Variants in GPC1 observed in about 807,000 individuals in gnomAD.
GPC1 encodes glypican 1, also known as glypican-1.
A neutral mutation model predicts 51.5 loss-of-function variants in GPC1; 26 were observed. The observed-to-expected ratio is 0.50, with a 90% CI of 0.37 to 0.70. GPC1 has a LOEUF of 0.70. Ranked by LOEUF, GPC1 falls within the 30% of genes least tolerant of loss-of-function variation. The pLI is 0.00. For missense variants in GPC1, 775 were observed against 800.5 expected, an observed-to-expected ratio of 0.97 and a Z score of 0.38; for synonymous variants, 380 against 348.3, an observed-to-expected ratio of 1.09 and a Z score of -1.01.
Position 240,463,238 on chromosome 2 carries a change from T to TCCCCTGACTTCCCTCCAGAGCCCC in GPC1, c.718-107_718-84dup, listed in dbSNP as rs2074232112. The stretch of plus-strand genomic sequence containing the variant: ...CACGAGCTGGGGCAGAGCAGAGGCC[T>TCCCCTGACTTCCCTCCAGAGCCCC]CCCCTGACTTCCCTCCAGAGCCCCC... On this transcript the variant is annotated intron_variant, in intron 3 of 8. Coordinates refer to ENST00000264039, the MANE Select transcript of GPC1 (RefSeq NM_002081.3). 7 of 901,410 alleles carry TCCCCTGACTTCCCTCCAGAGCCCC rather than the reference T, an allele frequency of 7.8e-6. No homozygotes were observed. In the African/African-American group the frequency reaches 8.3e-5, roughly 11 times the overall value. 55.8% of individuals were successfully genotyped at this position (901,410 alleles called of 1,614,324 possible). A position where few individuals can be genotyped will look rare whatever the true frequency, so the allele number is the denominator to read the frequency against.
rs1026330354 is a variant in GPC1, at chr2:240,435,805, G to A, written c.-114G>A. ...TCGGCCGCCGCCGCCTCTGGACCGC[G>A]AGCCGCGCGCGCCGGGACCTTGGCT... On this transcript the variant is annotated 5_prime_UTR_variant, in exon 1 of 9. Coordinates refer to ENST00000264039, the MANE Select transcript of GPC1 (RefSeq NM_002081.3). 1 of 681,434 alleles carries A rather than the reference G, an allele frequency of 1.5e-6. No homozygotes were observed. 42.2% of individuals were successfully genotyped at this position (681,434 alleles called of 1,614,324 possible).
chr2:240,463,850 G>C, intron 4 of GPC1: 1 of 343,742 alleles, frequency 2.9e-6, no homozygotes, highest in South Asian at 4.0e-5. Context: ...ACACATACAT[G>C]CACCGTCACA....
In GPC1 at chr2:240,436,032, C is replaced by A. The variant is rs778497874; in HGVS notation, c.114C>A (p.Ile38=). 2 of 1,385,930 alleles carry A rather than the reference C, an allele frequency of 1.4e-6. No individual in the cohort carries two copies. Among genetic ancestry groups the A allele is most frequent in the Non-Finnish European group, 1.9e-6 (2 of 1,067,466 alleles). The allele number at this position is 1,385,930 out of a possible 1,614,324, so 85.9% of individuals were successfully genotyped here. A position where few individuals can be genotyped will look rare whatever the true frequency, so the allele number is the denominator to read the frequency against. The change falls in exon 1 of 9, where the codon ATC becomes ATA. Residue 38 remains isoleucine (I), a synonymous_variant. Coordinates refer to ENST00000264039, the MANE Select transcript of GPC1 (RefSeq NM_002081.3). ...GGAGCTGCGGCGAGGTCCGCCAGAT[C>A]TACGGAGCCAAGGGCTTCAGCCTGA... is the stretch of plus-strand genomic sequence containing the variant. The part of the protein sequence containing the change: ...KSRSCGEVRQ[I]YGAKGFSLSD...
chr2:240,446,310 C>A (rs753933011), intron 1 of GPC1, among the ~76,000 whole-genome samples: 9 of 152,260 alleles, frequency 5.9e-5, no homozygotes, highest in Non-Finnish European at 1.3e-4. Context: ...TCCGTGAGCT[C>A]CTACTGGGTG....
intron 1 of GPC1, 62 bp downstream of exon 1, chr2:240,436,146 T>A: frequency 9.0e-7 from 1 of 1,112,290 alleles, no homozygotes; most frequent in Non-Finnish European, 1.1e-6. Context: ...CGGACCCTGG[T>A]CTTCCCGACG....
intron 1 of GPC1, 125 bp downstream of exon 1, chr2:240,436,209 C>T (rs2073982770): frequency 1.8e-6 from 1 of 561,396 alleles, no homozygotes; most frequent in Non-Finnish European, 2.6e-6. Context: ...GCCGCCCGGG[C>T]CCCGAATGGC....
At chr2:240,457,576 ACTGCCTGCGCTGCTCCAGGCC>A (rs1346017941) in intron 1 of GPC1, 10 of 433,086 alleles carry the variant, frequency 2.3e-5, no homozygotes, top group African/African-American at 1.8e-4. Flanking sequence ...CGGGTAGGGC[ACTGCCTGCGCTGCTCCAGGCC>A]CTGCCTGCAG....
chr2:240,455,246 C>G lies in GPC1; in HGVS notation c.167-3784C>G, dbSNP rs138112303. 3.8e-3 allele frequency among the ~76,000 whole-genome samples: 577 copies of G among 152,244 alleles called. 4 individuals are homozygous for G. Among genetic ancestry groups the G allele is most frequent in the African/African-American group, 0.013 (542 of 41,536 alleles). ...ATTAAACAAATAATCCCCTTCCCCCCCAAAAAAATCCTCAGAGCACTGGGG... is the reference window on the plus strand; with the variant it reads ...ATTAAACAAATAATCCCCTTCCCCCGCAAAAAAATCCTCAGAGCACTGGGG... On this transcript the variant is annotated intron_variant, in intron 1 of 8. Coordinates refer to ENST00000264039, the MANE Select transcript of GPC1 (RefSeq NM_002081.3).
At position 240,463,823 on chromosome 2, in the gene GPC1, G is replaced by A. The variant is rs149763411; in HGVS notation, c.883+311G>A. ...CAACACGTGTGACTCATCGAGGACC[G>A]GCACTTGTTTAAGCTAACACATACA... On this transcript the variant is annotated intron_variant, in intron 4 of 8. Coordinates refer to ENST00000264039, the MANE Select transcript of GPC1 (RefSeq NM_002081.3). The A allele has an allele frequency of 9.9e-5, 41 of 414,802 alleles. No homozygotes were observed. The Middle Eastern group carries it at 3.3e-3, about 33-fold the overall frequency. 25.7% of individuals were successfully genotyped at this position (414,802 alleles called of 1,614,324 possible).
At chr2:240,437,024 G>T (rs1160050350) in intron 1 of GPC1, among the ~76,000 whole-genome samples, 2 of 152,364 alleles carry the variant, frequency 1.3e-5, no homozygotes, top group East Asian at 1.9e-4. Context: ...ACCTTTCCAC[G>T]TGTGGGAACC....
intron 1 of GPC1, chr2:240,458,499 C>G (rs1244742650): frequency 1.1e-5 from 2 of 180,908 alleles, no homozygotes; most frequent in African/African-American, 4.7e-5. Flanking sequence ...TGCCCCCATA[C>G]CAGACTCGTG....
At chr2:240,462,653 TCC>T in intron 3 of GPC1, 71 bp downstream of exon 3, 1 of 1,369,374 alleles carries the variant, frequency 7.3e-7, no homozygotes, top group South Asian at 1.4e-5. Context: ...GACTTCCTCT[TCC>T]CCCTACTTTA....
chr2:240,440,097 G>T, intron 1 of GPC1, among the ~76,000 whole-genome samples: 1 of 152,228 alleles, frequency 6.6e-6, no homozygotes, highest in East Asian at 1.9e-4. Context: ...TGGCCAGGAG[G>T]GAGAAGGTGC....
Position 240,435,850 on chromosome 2 carries a change from A to G in GPC1, c.-69A>G. On this transcript the variant is annotated 5_prime_UTR_variant, in exon 1 of 9. Coordinates refer to ENST00000264039, the MANE Select transcript of GPC1 (RefSeq NM_002081.3). ...TTGGCTCTGCCCTTCGCGGGCGGGAACTGCGCAGGACCCGGCCAGGATCCG... is the reference window on the plus strand; with the variant it reads ...TTGGCTCTGCCCTTCGCGGGCGGGAGCTGCGCAGGACCCGGCCAGGATCCG... The G allele has an allele frequency of 1.0e-6, 1 of 954,340 alleles. No homozygotes were observed. The highest frequency in any genetic ancestry group is 3.9e-5 in the East Asian group (1 of 25,940). The allele number at this position is 954,340 out of a possible 1,614,324, so 59.1% of individuals were successfully genotyped here.
rs2074072425 is a variant in GPC1 at position 240,448,959 on chromosome 2, G to A, written c.167-10071G>A. 6.6e-6 allele frequency among the ~76,000 whole-genome samples: 1 copy of A among 152,084 alleles called. No homozygotes were observed. The highest frequency in any genetic ancestry group is 2.1e-4 in the South Asian group (1 of 4,828). ...GGCTTCTCATTTCCTCCCCTTCAGTGAGGACAGGGGGACACTCAGGCCAGT... is the reference window on the plus strand; with the variant it reads ...GGCTTCTCATTTCCTCCCCTTCAGTAAGGACAGGGGGACACTCAGGCCAGT... On this transcript the variant is annotated intron_variant, in intron 1 of 8. Coordinates refer to ENST00000264039, the MANE Select transcript of GPC1 (RefSeq NM_002081.3). This position sits in a 1 kb window ranked among gnomAD's most constrained non-coding sequence, Gnocchi z 4.5.
chr2:240,457,910 C>A (rs1305954592), intron 1 of GPC1: 8 of 343,646 alleles, frequency 2.3e-5, no homozygotes, highest in Non-Finnish European at 5.0e-5. Flanking sequence ...GCTGACAACG[C>A]CCCCCCTTGA....
chr2:240,436,964 G>C (rs1222354207), intron 1 of GPC1, among the ~76,000 whole-genome samples: 1 of 152,254 alleles, frequency 6.6e-6, no homozygotes, highest in African/African-American at 2.4e-5. Flanking sequence ...TGTACGGGTG[G>C]GTGGAACGGT....
At chr2:240,449,419 G>T in intron 1 of GPC1, 1 of 163,208 alleles carries the variant, frequency 6.1e-6, no homozygotes, top group Non-Finnish European at 1.3e-5. Flanking sequence ...ATTTTGTAGT[G>T]CAGTGTGTCC....
At chr2:240,453,843 C>G (rs2074130064) in intron 1 of GPC1, among the ~76,000 whole-genome samples, 1 of 152,074 alleles carries the variant, frequency 6.6e-6, no homozygotes, top group East Asian at 1.9e-4. Context: ...CCGCCGGTGC[C>G]GCCGAGCCTT....
Sources: allele counts gnomAD v4.1 joint callset (sites outside exome capture counted in the v4.1 genomes callset), GRCh38; gene constraint gnomAD v4.1.1; non-coding constraint Gnocchi (gnomAD v3.1); transcripts MANE v1.5; gene names NCBI Gene and HGNC (gene_info 2026-07-23, HGNC 2026-07-21).